Variants in UNC5C observed in about 807,000 individuals in gnomAD.
The protein encoded by UNC5C is netrin receptor UNC5C.
UNC5C carries 47 observed loss-of-function variants against 99.8 expected under a neutral mutation model. The observed-to-expected ratio is 0.47, with a 90% CI of 0.37 to 0.60. The LOEUF (loss-of-function observed/expected upper bound fraction) is 0.60, where lower values mean the gene tolerates loss of function less well. Among genes scored for constraint, UNC5C ranks in the 20% least tolerant of loss-of-function variants. The pLI, the probability that UNC5C is intolerant of heterozygous loss-of-function variation, is 0.00. For synonymous variants in UNC5C, 487 were observed against 452.2 expected, an observed-to-expected ratio of 1.08 and a Z score of -0.98; for missense variants, 1,062 against 1,165.9, an observed-to-expected ratio of 0.91 and a Z score of 1.30.
chr4:95,474,464 A>G (rs1386828708), intron 1 of UNC5C, among the ~76,000 whole-genome samples: 1 of 151,836 alleles, frequency 6.6e-6, no homozygotes, highest in Non-Finnish European at 1.5e-5. Flanking sequence ...CTAATTTTGT[A>G]TTTTTAGTAG....
chr4:95,528,856 C>T (rs1325116105), intron 1 of UNC5C, among the ~76,000 whole-genome samples: 1 of 152,100 alleles, frequency 6.6e-6, no homozygotes, highest in Non-Finnish European at 1.5e-5. Context: ...CTGTACATGG[C>T]TGTAACAAAA....
intron 2 of UNC5C, among the ~76,000 whole-genome samples, chr4:95,316,561 T>A (rs1163216702): frequency 1.3e-5 from 2 of 152,146 alleles, no homozygotes. Flanking sequence ...GATAAAAATA[T>A]GTTCACCTTG....
At position 95,489,180 on chromosome 4, in the gene UNC5C, T is replaced by C. The variant is rs1160746257; in HGVS notation, c.124+59554A>G. 2.7e-5 allele frequency among the ~76,000 whole-genome samples: 4 copies of C among 150,768 alleles called. No homozygotes were observed. The East Asian group carries it at 7.9e-4, about 30-fold the overall frequency. ...AAGGAAGGAAGGAAAAATAAGAATA[T>C]ATGTTATAAGATTTCAGACATGACG... On this transcript the variant is annotated intron_variant, in intron 1 of 15. Coordinates refer to ENST00000453304, the MANE Select transcript of UNC5C (RefSeq NM_003728.4).
intron 2 of UNC5C, among the ~76,000 whole-genome samples, chr4:95,320,251 G>A (rs1381529923): frequency 4.6e-5 from 7 of 151,774 alleles, no homozygotes; most frequent in Non-Finnish European, 8.8e-5. Context: ...GTAAAACCTC[G>A]TCTCTACTAA....
At chr4:95,247,651 A>G (rs1163227343) in intron 5 of UNC5C, among the ~76,000 whole-genome samples, 3 of 152,084 alleles carry the variant, frequency 2.0e-5, no homozygotes, top group African/African-American at 4.8e-5. Flanking sequence ...TGACAGAAAT[A>G]CTCCTATGAC....
chr4:95,254,664 G>T (rs1016718481), intron 4 of UNC5C, among the ~76,000 whole-genome samples: 4 of 152,014 alleles, frequency 2.6e-5, no homozygotes, highest in Admixed American at 6.6e-5. Context: ...AACTTCAGGG[G>T]GTTATATCCA....
intron 7 of UNC5C, among the ~76,000 whole-genome samples, chr4:95,223,187 A>G (rs1458837433): frequency 6.6e-6 from 1 of 152,080 alleles, no homozygotes; most frequent in African/African-American, 2.4e-5. Flanking sequence ...TTTGAAATGA[A>G]AAACCTATGG....
intron 2 of UNC5C, among the ~76,000 whole-genome samples, chr4:95,329,112 CA>C (rs1743015259): frequency 6.6e-6 from 1 of 151,988 alleles, no homozygotes; most frequent in African/African-American, 2.4e-5. Context: ...GGCAACATAG[CA>C]AGACCCCATC....
chr4:95,403,557 T>C (rs934011387), intron 1 of UNC5C, among the ~76,000 whole-genome samples: 11 of 152,216 alleles, frequency 7.2e-5, no homozygotes, highest in African/African-American at 4.8e-5. Flanking sequence ...TTGGGAGCCA[T>C]TGTAAATATT....
intron 1 of UNC5C, among the ~76,000 whole-genome samples, chr4:95,502,165 C>T (rs1721791509): frequency 6.6e-6 from 1 of 152,184 alleles, no homozygotes; most frequent in African/African-American, 2.4e-5. Context: ...GAACATGTTA[C>T]TTCCAGTGTG....
chr4:95,380,851 T>C (rs1203938842), intron 1 of UNC5C, among the ~76,000 whole-genome samples: 1 of 152,192 alleles, frequency 6.6e-6, no homozygotes, highest in Non-Finnish European at 1.5e-5. Context: ...CCACTTTAAT[T>C]AACTTAACCT....
intron 10 of UNC5C, among the ~76,000 whole-genome samples, chr4:95,210,432 G>T (rs1738038055): frequency 6.6e-6 from 1 of 152,144 alleles, no homozygotes; most frequent in Admixed American, 6.5e-5. Context: ...GAAAACTAAG[G>T]TCAGAGTGTG....
At chr4:95,540,085 A>C (rs551523698) in intron 1 of UNC5C, among the ~76,000 whole-genome samples, 3 of 152,146 alleles carry the variant, frequency 2.0e-5, no homozygotes, top group Non-Finnish European at 4.4e-5. Flanking sequence ...ATTTTATAAA[A>C]CCCCTGGAGG....
chr4:95,379,565 C>T (rs141748995), intron 1 of UNC5C, among the ~76,000 whole-genome samples: 66 of 152,292 alleles, frequency 4.3e-4, no homozygotes, highest in Middle Eastern at 6.8e-3. Flanking sequence ...TCACAGTACA[C>T]ATGTGTGAGC....
At chr4:95,301,547 A>T in intron 3 of UNC5C, 59 bp downstream of exon 3, 3 of 1,607,620 alleles carry the variant, frequency 1.9e-6, no homozygotes, top group South Asian at 1.1e-5. Flanking sequence ...CACAGTGTAA[A>T]CTTTCCCTTA....
rs150666632 is a variant in UNC5C, at chr4:95,342,685, C to A, written c.125-7054G>T. On this transcript the variant is annotated intron_variant, in intron 1 of 15. Coordinates refer to ENST00000453304, the MANE Select transcript of UNC5C (RefSeq NM_003728.4). ...GGAGTTTGTCTTGCACCTTAAGTAC[C>A]AACTCAGCCACAGTGGGACAGAGCA... is the stretch of plus-strand genomic sequence containing the variant. Among the ~76,000 whole-genome samples the A allele has an allele frequency of 2.0e-3, 297 of 151,966 alleles. 2 individuals are homozygous for A. The highest frequency in any genetic ancestry group is 6.8e-3 in the African/African-American group (282 of 41,476).
At chr4:95,431,323 T>G (rs1578159709) in intron 1 of UNC5C, among the ~76,000 whole-genome samples, 1 of 152,082 alleles carries the variant, frequency 6.6e-6, no homozygotes. Context: ...CGAAAGCCTG[T>G]TAAAACTCAG....
At chr4:95,215,176 C>T (rs532123758) in intron 10 of UNC5C, among the ~76,000 whole-genome samples, 4 of 152,180 alleles carry the variant, frequency 2.6e-5, no homozygotes, top group South Asian at 4.1e-4. Flanking sequence ...AGGATGAGAG[C>T]TGGGAAAAGA....
At chr4:95,200,772 G>A (rs891606384) in intron 12 of UNC5C, among the ~76,000 whole-genome samples, 3 of 152,022 alleles carry the variant, frequency 2.0e-5, no homozygotes, top group African/African-American at 4.8e-5. Context: ...AACCATATCC[G>A]TATTTCTAAC....
Sources: allele counts gnomAD v4.1 joint callset (sites outside exome capture counted in the v4.1 genomes callset), GRCh38; gene constraint gnomAD v4.1.1; transcripts MANE v1.5; gene names NCBI Gene and HGNC (gene_info 2026-07-23, HGNC 2026-07-21).